The following SDK2 variants were observed in gnomAD, a reference collection of about 807,000 sequenced individuals.
The protein encoded by SDK2 is protein sidekick-2.
SDK2 carries 105 observed loss-of-function variants against 253.9 expected under a neutral mutation model. The ratio of observed to expected loss-of-function variants is 0.41; its 90% CI spans 0.35 to 0.49. The LOEUF is 0.49. SDK2 is among the 20% of genes least tolerant of loss of function. SDK2 has a pLI of 0.06. For synonymous variants in SDK2, 1,249 were observed against 1,234.9 expected (o/e 1.01, Z -0.24); for missense variants, 2,608 against 3,003.0 (o/e 0.87, Z 3.07).
intron 1 of SDK2, among the ~76,000 whole-genome samples, chr17:73,525,720 C>G (rs974728461): frequency 6.6e-6 from 1 of 152,158 alleles, no homozygotes; most frequent in African/African-American, 2.4e-5. Flanking sequence ...CCCTTTTGCA[C>G]TGGCTCCCCC....
intron 31 of SDK2, 58 bp downstream of exon 31, chr17:73,386,387 C>T (rs1341302114): frequency 3.0e-5 from 37 of 1,253,092 alleles, no homozygotes; most frequent in Non-Finnish European, 4.2e-5. Flanking sequence ...GAAAATGCCC[C>T]ATGCCCAGGA....
intron 2 of SDK2, among the ~76,000 whole-genome samples, chr17:73,489,978 C>A (rs1381540591): frequency 6.6e-6 from 1 of 152,170 alleles, no homozygotes; most frequent in African/African-American, 2.4e-5. Flanking sequence ...GAGTTTTCTG[C>A]AAAGAGTGGA....
At chr17:73,404,043 T>A (rs569767497) in intron 18 of SDK2, among the ~76,000 whole-genome samples, 114 of 152,296 alleles carry the variant, frequency 7.5e-4, no homozygotes, top group African/African-American at 2.7e-3. Flanking sequence ...CCATTTTTTT[T>A]AAATAAAGGA....
rs143289914 is a variant in SDK2, at chr17:73,401,084, G to A, written c.2907C>T (p.Ala969=). The A allele has an allele frequency of 5.7e-6, 9 of 1,570,730 alleles. No homozygotes were observed. The highest frequency in any genetic ancestry group is 2.7e-5 in the African/African-American group (2 of 74,020). Residue 969 remains alanine, a synonymous_variant, in exon 21 of 45, where the codon GCC becomes GCT. Coordinates refer to ENST00000392650, the MANE Select transcript of SDK2 (RefSeq NM_001144952.2). ...TALTTYTIEV[A]AMTSKGQGQV... is the part of the protein sequence containing the mutation. Reference sequence around the variant, plus strand: ...GGCCCTGGCCCTTTGAGGTCATGGCGGCCACCTCGATGGTGTAGGTGGTGA... The same window carrying A: ...GGCCCTGGCCCTTTGAGGTCATGGCAGCCACCTCGATGGTGTAGGTGGTGA...
At chr17:73,536,359 C>A (rs1331985976) in intron 1 of SDK2, among the ~76,000 whole-genome samples, 1 of 152,190 alleles carries the variant, frequency 6.6e-6, no homozygotes, top group South Asian at 2.1e-4. Context: ...GGCTCTTTTC[C>A]AGCCCCAGAA....
At chr17:73,600,796 G>A (rs1026676150) in intron 1 of SDK2, among the ~76,000 whole-genome samples, 4 of 152,100 alleles carry the variant, frequency 2.6e-5, no homozygotes, top group Non-Finnish European at 5.9e-5. Context: ...CTCCCCACCG[G>A]ATACCCTTTC....
At chr17:73,566,317 ATATGTG>A (rs1165047460) in intron 1 of SDK2, among the ~76,000 whole-genome samples, 23 of 144,014 alleles carry the variant, frequency 1.6e-4, no homozygotes, top group African/African-American at 4.0e-4. Context: ...TCTTATATAT[ATATGTG>A]TGTGTGTGTG....
chr17:73,432,168 CT>C (rs1023768434), intron 10 of SDK2, among the ~76,000 whole-genome samples: 39 of 152,008 alleles, frequency 2.6e-4, no homozygotes, highest in African/African-American at 7.7e-4. Flanking sequence ...GAGGGACACG[CT>C]GTCCCCCAGC....
intron 1 of SDK2, among the ~76,000 whole-genome samples, chr17:73,531,010 T>G (rs575508596): frequency 8.3e-4 from 126 of 152,298 alleles, no homozygotes; most frequent in Non-Finnish European, 1.5e-3. Flanking sequence ...CACCACCTTC[T>G]CCTAGTCCTC....
intron 1 of SDK2, among the ~76,000 whole-genome samples, chr17:73,562,762 T>C (rs1029024803): frequency 1.3e-5 from 2 of 152,260 alleles, no homozygotes; most frequent in African/African-American, 4.8e-5. Flanking sequence ...CAAGGCATTC[T>C]GTGCGGAAGG....
rs1266851325 is a variant in SDK2, at chr17:73,401,014, A to C, written c.2971+6T>G. The C allele has an allele frequency of 3.2e-6, 5 of 1,566,558 alleles. No homozygotes were observed. The highest frequency in any genetic ancestry group is 4.3e-6 in the Non-Finnish European group (5 of 1,155,338). ...AAAGAGTCCTGCCTTGAGAGTGGGC[A>C]CTTACCTGGGGGCACCCCAGAGGAG... On this transcript the variant is annotated splice_donor_region_variant and intron_variant, in intron 21 of 44. Transcript: ENST00000392650.
intron 10 of SDK2, among the ~76,000 whole-genome samples, chr17:73,432,752 G>A (rs1022584520): frequency 6.6e-6 from 1 of 150,424 alleles, no homozygotes; most frequent in Non-Finnish European, 1.5e-5. Context: ...GTGTGAAGGA[G>A]CAACTGTGTT....
chr17:73,504,035 C>CTAGGAA (rs2063910907), intron 2 of SDK2, among the ~76,000 whole-genome samples: 2 of 152,078 alleles, frequency 1.3e-5, no homozygotes, highest in Admixed American at 1.3e-4. Context: ...TCCTGAGGTT[C>CTAGGAA]CAGGAACTGC....
chr17:73,602,219 A>G (rs2045852003), intron 1 of SDK2, among the ~76,000 whole-genome samples: 1 of 152,122 alleles, frequency 6.6e-6, no homozygotes. Context: ...TGGAGTTGAG[A>G]TCCCCACTCC....
rs1334113663 is a variant in SDK2, at chr17:73,336,868, G to A, written c.*1719C>T. 1.4e-5 allele frequency: 2 copies of A among 138,538 alleles called. No homozygotes were observed. Among genetic ancestry groups the A allele is most frequent in the African/African-American group, 2.8e-5 (1 of 35,350 alleles). The allele number at this position is 138,538 out of a possible 1,614,324, so 8.6% of individuals were successfully genotyped here. On this transcript the variant is annotated 3_prime_UTR_variant, in exon 45 of 45. Transcript: ENST00000392650. ...CATCTGCCACCCATCTCAGCGGTGG[G>A]GCAGGTGTTGGGCTGGCCTTACAGG...
chr17:73,405,724 T>C (rs1390109299), intron 18 of SDK2, among the ~76,000 whole-genome samples: 1 of 120,164 alleles, frequency 8.3e-6, no homozygotes, highest in Non-Finnish European at 1.7e-5. Context: ...CTTATATATC[T>C]TTTTTTTTTT....
intron 1 of SDK2, among the ~76,000 whole-genome samples, chr17:73,641,515 G>A (rs1224308567): frequency 6.6e-6 from 1 of 152,102 alleles, no homozygotes; most frequent in Non-Finnish European, 1.5e-5. Flanking sequence ...TGACCCATCG[G>A]GCATACGGCC....
intron 1 of SDK2, among the ~76,000 whole-genome samples, chr17:73,547,902 T>C (rs569325951): frequency 1.1e-4 from 16 of 152,310 alleles, no homozygotes; most frequent in African/African-American, 2.6e-4. Context: ...CTAGGAAGCA[T>C]GGCTGCGAGG....
rs921160607 is a variant in SDK2 at position 73,422,572 on chromosome 17, C to T, written c.1898-138G>A. ...TCCCCAGCTTGGTGCAGGAGTGGCC[C>T]GCCATGCCATTTTTCTAGGTCCCAT... On this transcript the variant is annotated intron_variant, in intron 14 of 44. Transcript: ENST00000392650. 18 of 955,164 alleles carry T rather than the reference C, an allele frequency of 1.9e-5. 1 individual carries two copies. The highest frequency in any genetic ancestry group is 5.4e-4 in the Middle Eastern group (2 of 3,720). The allele number at this position is 955,164 out of a possible 1,614,324, so 59.2% of individuals were successfully genotyped here.
Sources: gnomAD v4.1 joint callset for allele counts (sites outside exome capture counted in the v4.1 genomes callset) on GRCh38, gnomAD v4.1.1 for gene constraint, MANE v1.5 for transcripts, NCBI Gene and HGNC (gene_info 2026-07-23, HGNC 2026-07-21) for gene names.